Variants in CHAT observed in about 807,000 individuals in gnomAD.
The protein encoded by CHAT is acetyl CoA:choline O-acetyltransferase.
A neutral mutation model predicts 76.9 loss-of-function variants in CHAT; 61 were observed. The observed-to-expected ratio is 0.79, with a 90% CI of 0.65 to 0.98. The LOEUF (loss-of-function observed/expected upper bound fraction) is 0.98, where lower values mean the gene tolerates loss of function less well. CHAT is among the 50% of genes least tolerant of loss of function. The pLI is 0.00. For synonymous variants in CHAT, 407 were observed against 397.4 expected, an observed-to-expected ratio of 1.02 and a Z score of -0.29; for missense variants, 946 against 986.9, an observed-to-expected ratio of 0.96 and a Z score of 0.56.
intron 13 of CHAT, among the ~76,000 whole-genome samples, chr10:49,657,789 T>A (rs1336997194): frequency 6.6e-6 from 1 of 152,074 alleles, no homozygotes; most frequent in Non-Finnish European, 1.5e-5. Flanking sequence ...GAGAGAACAC[T>A]CACAGAAACT....
intron 6 of CHAT, 48 bp downstream of exon 6, chr10:49,625,701 G>A: frequency 1.3e-6 from 2 of 1,518,542 alleles, no homozygotes; most frequent in Non-Finnish European, 1.8e-6. Context: ...GCATACAGTG[G>A]CCATGCGTTC....
At chr10:49,648,476 A>C (rs1435451716) in intron 8 of CHAT, 31 bp from the exon 9 acceptor site, 4 of 1,586,546 alleles carry the variant, frequency 2.5e-6, no homozygotes, top group Non-Finnish European at 2.6e-6. Context: ...TGACTCTCCC[A>C]TGATCGCCCA....
At chr10:49,615,247 G>A (rs1042841537) in intron 1 of CHAT, among the ~76,000 whole-genome samples, 2 of 152,216 alleles carry the variant, frequency 1.3e-5, no homozygotes, top group African/African-American at 4.8e-5. Context: ...TGTCCTTGCT[G>A]TCCTCTCAAA....
In CHAT at chr10:49,665,102, C is replaced by A. The variant is rs1260556215; in HGVS notation, c.*56C>A. On this transcript the variant is annotated 3_prime_UTR_variant, in exon 15 of 15. Coordinates refer to ENST00000337653, the MANE Select transcript of CHAT (RefSeq NM_020549.5). The stretch of plus-strand genomic sequence containing the variant: ...CAGCCTCTAGAACAGCCAGACCCTG[C>A]AGATCCCCACTCCCGTCCCTTACCC... 1.1e-5 allele frequency: 18 copies of A among 1,588,856 alleles called. No individual in the cohort carries two copies. The Admixed American group carries it at 2.8e-4, about 25-fold the overall frequency.
intron 14 of CHAT, among the ~76,000 whole-genome samples, chr10:49,663,244 G>T (rs1840253564): frequency 6.6e-6 from 1 of 152,058 alleles, no homozygotes; most frequent in Admixed American, 6.5e-5. Flanking sequence ...AAAGAAAAAA[G>T]GAAGAAGAAG....
chr10:49,625,602 C>G lies in CHAT; in HGVS notation c.882C>G (p.Asn294Lys), dbSNP rs1256413412. The G allele has an allele frequency of 8.1e-6, 13 of 1,603,780 alleles. No homozygotes were observed. The highest frequency in any genetic ancestry group is 1.3e-5 in the African/African-American group (1 of 74,756). ...CCCAGGACACGCTGGTGGCTCAGAACAGCAGCATCATGCCGGAGCCTGAGC... is the reference window on the plus strand; with the variant it reads ...CCCAGGACACGCTGGTGGCTCAGAAGAGCAGCATCATGCCGGAGCCTGAGC... ...GHTQDTLVAQ[N>K]SSIMPEPEHV... The change falls in exon 6 of 15, where the codon AAC becomes AAG. Residue 294 changes from asparagine (N) to lysine (K), a missense_variant. By Grantham distance (94) the Asn-to-Lys change is moderately conservative. Coordinates refer to ENST00000337653, the MANE Select transcript of CHAT (RefSeq NM_020549.5).
chr10:49,612,946 GA>G (rs1838340160), upstream of CHAT, among the ~76,000 whole-genome samples: 1 of 152,212 alleles, frequency 6.6e-6, no homozygotes. Flanking sequence ...GCCCAGGATA[GA>G]CCCTCTTTTC....
At chr10:49,621,139 G>C (rs1838692717) in intron 4 of CHAT, among the ~76,000 whole-genome samples, 1 of 152,240 alleles carries the variant, frequency 6.6e-6, no homozygotes, top group African/African-American at 2.4e-5. Flanking sequence ...AATGGAGGAT[G>C]GGTGCAGGGA....
intron 6 of CHAT, 99 bp from the exon 7 acceptor site, chr10:49,627,509 C>A: frequency 8.0e-7 from 1 of 1,254,286 alleles, no homozygotes; most frequent in Non-Finnish European, 1.2e-6. Flanking sequence ...AACCTTGGGC[C>A]TGAGCATCCC....
At chr10:49,610,694 G>A, upstream of CHAT, 1 of 1,448,844 alleles carries the variant, frequency 6.9e-7, no homozygotes, top group East Asian at 2.5e-5. Flanking sequence ...GGACGCCAGC[G>A]CTCGGCCCTG....
chr10:49,623,233 G>T (rs1479481678), intron 5 of CHAT, among the ~76,000 whole-genome samples: 1 of 152,016 alleles, frequency 6.6e-6, no homozygotes, highest in African/African-American at 2.4e-5. Context: ...CCATTGTCTT[G>T]CTGGGCCTGG....
chr10:49,620,666 G>C (rs1016110581), intron 4 of CHAT, 53 bp downstream of exon 4: 25 of 1,408,334 alleles, frequency 1.8e-5, no homozygotes, highest in Non-Finnish European at 2.3e-5. Flanking sequence ...CAAGGCAGGG[G>C]CCCTTACCCC....
rs1480060236 is a variant in CHAT at position 49,667,686 on chromosome 10, A to G, written c.*2640A>G. On this transcript the variant is annotated 3_prime_UTR_variant, in exon 15 of 15. Transcript: ENST00000337653. ...AGACAGTCATTTGGAACAGTGATGCATAATAAAATGTATGTGGCCACCTTA... is the reference window on the plus strand; with the variant it reads ...AGACAGTCATTTGGAACAGTGATGCGTAATAAAATGTATGTGGCCACCTTA... 6.6e-6 allele frequency among the ~76,000 whole-genome samples: 1 copy of G among 152,260 alleles called. No homozygotes were observed. Among genetic ancestry groups the G allele is most frequent in the Non-Finnish European group, 1.5e-5 (1 of 68,042 alleles).
At chr10:49,611,539 T>G, upstream of CHAT, 1 of 1,602,728 alleles carries the variant, frequency 6.2e-7, no homozygotes, top group Middle Eastern at 1.7e-4. Flanking sequence ...CAAACCCTTC[T>G]CGGCGGCTGC....
chr10:49,659,513 C>G (rs926880648), intron 13 of CHAT, among the ~76,000 whole-genome samples: 4 of 152,132 alleles, frequency 2.6e-5, no homozygotes, highest in African/African-American at 4.8e-5. Context: ...CATAAAGAAG[C>G]AAGAAGTGAG....
upstream of CHAT, chr10:49,611,856 C>G (rs761894527): frequency 8.7e-6 from 14 of 1,605,860 alleles, no homozygotes; most frequent in East Asian, 2.9e-4. Flanking sequence ...CCAGCTCGTG[C>G]ATCGTGCCCG....
chr10:49,619,360 A>AT (rs1268758155), intron 2 of CHAT, among the ~76,000 whole-genome samples: 3 of 152,194 alleles, frequency 2.0e-5, no homozygotes, highest in Admixed American at 2.0e-4. Context: ...CCTATGAGAG[A>AT]TAGGGGTTAC....
chr10:49,635,896 T>C (rs181423561), intron 7 of CHAT, among the ~76,000 whole-genome samples: 8 of 152,274 alleles, frequency 5.3e-5, no homozygotes, highest in African/African-American at 1.9e-4. Flanking sequence ...TACCACTCTG[T>C]TTAACACAGT....
intron 13 of CHAT, among the ~76,000 whole-genome samples, chr10:49,656,501 TG>T (rs1840041243): frequency 6.6e-6 from 1 of 152,114 alleles, no homozygotes; most frequent in Non-Finnish European, 1.5e-5. Flanking sequence ...TTCCTCTGCT[TG>T]GGAAAGCCAG....
Sources: gnomAD v4.1 joint callset for allele counts (sites outside exome capture counted in the v4.1 genomes callset) on GRCh38, gnomAD v4.1.1 for gene constraint, MANE v1.5 for transcripts, NCBI Gene and HGNC (gene_info 2026-07-23, HGNC 2026-07-21) for gene names.